The following PDE4D variants were observed in gnomAD, a reference collection of about 807,000 sequenced individuals.
PDE4D encodes the protein phosphodiesterase 4D, also known as 3',5'-cyclic-AMP phosphodiesterase 4D.
Under a neutral mutation model 87.4 loss-of-function variants are expected in PDE4D, and 24 were observed. That is an observed-to-expected ratio of 0.27 (90% CI 0.20 to 0.39). The LOEUF is 0.39. Among genes scored for constraint, PDE4D ranks in the 10% least tolerant of loss-of-function variants. PDE4D has a pLI of 1.00. For synonymous variants in PDE4D, 384 were observed against 383.2 expected (o/e 1.00, Z -0.02); for missense variants, 714 against 1,041.0 (o/e 0.69, Z 4.32).
At chr5:60,389,202 C>T (rs1206279810) in intron 1 of PDE4D, among the ~76,000 whole-genome samples, 1 of 152,134 alleles carries the variant, frequency 6.6e-6, no homozygotes, top group Non-Finnish European at 1.5e-5. Context: ...CCTAAGCTTA[C>T]ACCAAATTGC....
At chr5:60,109,398 T>A (rs1777422908) in intron 2 of PDE4D, among the ~76,000 whole-genome samples, 1 of 151,408 alleles carries the variant, frequency 6.6e-6, no homozygotes, top group Admixed American at 6.6e-5. Flanking sequence ...TAGGAACACT[T>A]TTACACTGTT....
chr5:60,267,149 A>G (rs901618926), intron 1 of PDE4D, among the ~76,000 whole-genome samples: 3 of 152,318 alleles, frequency 2.0e-5, no homozygotes, highest in Admixed American at 2.0e-4. Flanking sequence ...CGTTACATTT[A>G]CATTAGAAAT....
chr5:60,495,792 T>C (rs1173697032), intron 1 of PDE4D, among the ~76,000 whole-genome samples: 1 of 152,220 alleles, frequency 6.6e-6, no homozygotes, highest in Non-Finnish European at 1.5e-5. Context: ...GCCCTAATTA[T>C]CCCCTATTCC....
intron 1 of PDE4D, among the ~76,000 whole-genome samples, chr5:60,297,960 G>A (rs578071312): frequency 2.4e-4 from 37 of 152,256 alleles, no homozygotes; most frequent in Admixed American, 3.9e-4. Context: ...CAGCTGTGGC[G>A]TAGAATTTTT....
intron 1 of PDE4D, among the ~76,000 whole-genome samples, chr5:59,833,758 T>G (rs1741599409): frequency 6.6e-6 from 1 of 151,950 alleles, no homozygotes; most frequent in Non-Finnish European, 1.5e-5. Context: ...TCTGGTCTCC[T>G]GAAAAATCGC....
chr5:59,194,131 C>T (rs537304124), intron 2 of PDE4D, among the ~76,000 whole-genome samples: 2 of 152,296 alleles, frequency 1.3e-5, no homozygotes, highest in East Asian at 3.9e-4. Flanking sequence ...GCAACCCCAG[C>T]TACACCGTGC....
chr5:60,342,937 C>T (rs1243507277), intron 1 of PDE4D, among the ~76,000 whole-genome samples: 2 of 152,068 alleles, frequency 1.3e-5, no homozygotes, highest in African/African-American at 4.8e-5. Context: ...TCCTGGTGGG[C>T]CTATTAAGGC....
At chr5:59,264,011 A>C (rs944670412) in intron 1 of PDE4D, among the ~76,000 whole-genome samples, 15 of 152,186 alleles carry the variant, frequency 9.9e-5, no homozygotes, top group African/African-American at 3.6e-4. Flanking sequence ...GGTGACAAAT[A>C]GACAAAACAT....
intron 1 of PDE4D, among the ~76,000 whole-genome samples, chr5:60,415,565 C>T (rs998196851): frequency 2.0e-5 from 3 of 152,214 alleles, no homozygotes; most frequent in South Asian, 2.1e-4. Context: ...AGGCCGGCCC[C>T]GCCACCCCGG....
intron 1 of PDE4D, among the ~76,000 whole-genome samples, chr5:60,268,091 G>GC (rs1362777288): frequency 2.0e-5 from 3 of 152,128 alleles, no homozygotes; most frequent in Non-Finnish European, 4.4e-5. Flanking sequence ...AACCGCTACA[G>GC]CACCAAGCAC....
At chr5:59,620,202 T>C (rs1238949170) in intron 1 of PDE4D, among the ~76,000 whole-genome samples, 2 of 152,112 alleles carry the variant, frequency 1.3e-5, no homozygotes, top group African/African-American at 2.4e-5. Flanking sequence ...TTTGGCAGTA[T>C]TGAGGCTCCA....
intron 1 of PDE4D, among the ~76,000 whole-genome samples, chr5:59,766,676 A>G (rs1382402143): frequency 2.0e-5 from 3 of 152,254 alleles, no homozygotes; most frequent in Admixed American, 6.5e-5. Flanking sequence ...GTAGGAACTC[A>G]TGCCAGCTCT....
chr5:59,227,752 C>A (rs569234120), intron 1 of PDE4D, among the ~76,000 whole-genome samples: 23 of 152,130 alleles, frequency 1.5e-4, no homozygotes, highest in Non-Finnish European at 2.6e-4. Flanking sequence ...ATAACAGATG[C>A]TGGCAAGGTT....
At chr5:59,290,095 C>T (rs1184678883) in intron 1 of PDE4D, among the ~76,000 whole-genome samples, 1 of 151,850 alleles carries the variant, frequency 6.6e-6, no homozygotes, top group Non-Finnish European at 1.5e-5. Context: ...TCATACTACC[C>T]AAAGCAATCT....
At chr5:59,327,089 C>T (rs780831469) in intron 1 of PDE4D, among the ~76,000 whole-genome samples, 2 of 149,610 alleles carry the variant, frequency 1.3e-5, no homozygotes, top group Non-Finnish European at 3.0e-5. Flanking sequence ...TGAATGGACA[C>T]ATTATTATTC....
chr5:59,227,930 T>C (rs1379706305), intron 1 of PDE4D, among the ~76,000 whole-genome samples: 1 of 152,174 alleles, frequency 6.6e-6, no homozygotes, highest in Non-Finnish European at 1.5e-5. Context: ...TAAATCATTC[T>C]ACCATAAAGA....
chr5:59,548,209 A>G (rs1265509337), intron 1 of PDE4D, among the ~76,000 whole-genome samples: 3 of 152,204 alleles, frequency 2.0e-5, no homozygotes, highest in African/African-American at 7.2e-5. Flanking sequence ...ATTATTTGCA[A>G]CTAAAGGAGA....
At chr5:60,454,761 T>A (rs912482782) in intron 1 of PDE4D, among the ~76,000 whole-genome samples, 2 of 152,092 alleles carry the variant, frequency 1.3e-5, no homozygotes, top group African/African-American at 4.8e-5. Flanking sequence ...CATTTACCTA[T>A]GTAACAAACC....
upstream of PDE4D, among the ~76,000 whole-genome samples, chr5:59,897,360 A>T (rs115323117): frequency 3.8e-3 from 579 of 152,338 alleles, 5 homozygotes; most frequent in African/African-American, 0.013. Context: ...GCAGAGAGCA[A>T]GCACCATTTC....
Sources: gnomAD v4.1 joint callset for allele counts (sites outside exome capture counted in the v4.1 genomes callset) on GRCh38, gnomAD v4.1.1 for gene constraint, MANE v1.5 for transcripts, NCBI Gene and HGNC (gene_info 2026-07-23, HGNC 2026-07-21) for gene names.